The following WBP1L variants were observed in gnomAD, a reference collection of about 807,000 sequenced individuals.
The protein encoded by WBP1L is WW domain binding protein 1 like, also known as WW domain binding protein 1-like.
In WBP1L, 17 loss-of-function variants were observed where a neutral mutation model predicts 33.7. That is an observed-to-expected ratio of 0.50 (90% CI 0.34 to 0.76). The LOEUF (loss-of-function observed/expected upper bound fraction) is 0.76. Ranked by LOEUF, WBP1L falls within the 30% of genes least tolerant of loss-of-function variation. The pLI is 0.01. For synonymous variants in WBP1L, 173 were observed against 190.8 expected, an observed-to-expected ratio of 0.91 and a Z score of 0.77; for missense variants, 389 against 469.4, an observed-to-expected ratio of 0.83 and a Z score of 1.58.
In WBP1L at chr10:102,802,556, A is replaced by T. The variant is rs371335594; in HGVS notation, c.193+4461A>T. Among the ~76,000 whole-genome samples, 24 of 152,268 alleles carry T rather than the reference A, an allele frequency of 1.6e-4. No homozygotes were observed. The South Asian group carries it at 5.0e-3, about 32-fold the overall frequency. Reference sequence around the variant, plus strand: ...GAGACAGCGTCTCACTCCCTCGCCCAGGCTGAAGTGCAGTGGCATGATCTC... The same window carrying T: ...GAGACAGCGTCTCACTCCCTCGCCCTGGCTGAAGTGCAGTGGCATGATCTC... On this transcript the variant is annotated intron_variant, in intron 2 of 3. Coordinates refer to ENST00000448841, the MANE Select transcript of WBP1L (RefSeq NM_001083913.2).
intron 1 of WBP1L, among the ~76,000 whole-genome samples, chr10:102,766,117 T>C (rs1843104503): frequency 1.3e-5 from 2 of 151,818 alleles, no homozygotes; most frequent in South Asian, 4.2e-4. Flanking sequence ...CTTGGCAACA[T>C]AGGAAGACCC....
chr10:102,776,541 C>T (rs1843266460), intron 1 of WBP1L: 2 of 1,261,300 alleles, frequency 1.6e-6, no homozygotes, highest in Admixed American at 3.6e-5. Flanking sequence ...AGGCCAGCTC[C>T]CACACAGAAC....
chr10:102,770,390 C>A (rs538286173), intron 1 of WBP1L, among the ~76,000 whole-genome samples: 1 of 152,168 alleles, frequency 6.6e-6, no homozygotes, highest in Non-Finnish European at 1.5e-5. Context: ...AATGGCCTTA[C>A]GCCTGGAGAT....
intron 2 of WBP1L, among the ~76,000 whole-genome samples, chr10:102,801,624 A>G (rs1049882411): frequency 1.3e-5 from 2 of 152,054 alleles, no homozygotes; most frequent in African/African-American, 4.8e-5. Flanking sequence ...TCAGCAAGCT[A>G]CATTTTCCAG....
intron 2 of WBP1L, among the ~76,000 whole-genome samples, chr10:102,809,666 G>A (rs925707578): frequency 6.6e-6 from 1 of 152,168 alleles, no homozygotes; most frequent in African/African-American, 2.4e-5. Context: ...CCGGCCTGTT[G>A]TCATCATTCT....
At chr10:102,788,357 G>GTT (rs1463990119) in intron 1 of WBP1L, among the ~76,000 whole-genome samples, 1 of 151,850 alleles carries the variant, frequency 6.6e-6, no homozygotes, top group Non-Finnish European at 1.5e-5. Context: ...TGATCCGCCT[G>GTT]TTTCGGCCTC....
intron 1 of WBP1L, among the ~76,000 whole-genome samples, chr10:102,762,065 T>C (rs1843048616): frequency 6.6e-6 from 1 of 152,112 alleles, no homozygotes; most frequent in Admixed American, 6.6e-5. Flanking sequence ...GTTGCTTACG[T>C]TGGTCTAGAA....
At chr10:102,790,697 G>A (rs1590184770) in intron 1 of WBP1L, among the ~76,000 whole-genome samples, 1 of 151,978 alleles carries the variant, frequency 6.6e-6, no homozygotes, top group African/African-American at 2.4e-5. Flanking sequence ...ATTTTTATTA[G>A]AGACAGGATT....
At chr10:102,784,591 A>C (rs1407922727) in intron 1 of WBP1L, among the ~76,000 whole-genome samples, 1 of 151,436 alleles carries the variant, frequency 6.6e-6, no homozygotes, top group Non-Finnish European at 1.5e-5. Flanking sequence ...ACACCCGGCT[A>C]ATTTTTTGTA....
At chr10:102,758,390 T>A (rs890493911) in intron 1 of WBP1L, among the ~76,000 whole-genome samples, 5 of 152,208 alleles carry the variant, frequency 3.3e-5, no homozygotes, top group African/African-American at 1.2e-4. Flanking sequence ...TTCCCTCCAG[T>A]CCCTGGCAAC....
rs1488673862 is a variant in WBP1L, at chr10:102,816,181, G to C, written c.*2850G>C. On this transcript the variant is annotated 3_prime_UTR_variant, in exon 4 of 4. Transcript: ENST00000448841. ...GACTTTTCTGGGCAGTCTCAGTGAC[G>C]CATTTCCTGTGCTGTGATTGTTCTG... 6.6e-6 allele frequency: 1 copy of C among 152,654 alleles called. No individual in the cohort carries two copies. Among genetic ancestry groups the C allele is most frequent in the Non-Finnish European group, 1.5e-5 (1 of 68,048 alleles). The allele number at this position is 152,654 out of a possible 1,614,324, so 9.5% of individuals were successfully genotyped here.
chr10:102,786,268 G>A (rs867115455), intron 1 of WBP1L, among the ~76,000 whole-genome samples: 2 of 152,270 alleles, frequency 1.3e-5, no homozygotes, highest in Middle Eastern at 3.4e-3. Flanking sequence ...TAAATAATGT[G>A]CCTTGATTCT....
intron 1 of WBP1L, among the ~76,000 whole-genome samples, chr10:102,764,237 A>G (rs554549785): frequency 1.3e-5 from 2 of 152,334 alleles, no homozygotes; most frequent in African/African-American, 2.4e-5. Flanking sequence ...TTTTGAGCAC[A>G]GTCCAAGGCC....
At chr10:102,782,481 A>T (rs1192549015) in intron 1 of WBP1L, among the ~76,000 whole-genome samples, 4 of 135,814 alleles carry the variant, frequency 2.9e-5, no homozygotes, top group South Asian at 2.5e-4. Context: ...GGGGCTATTT[A>T]AAAAAATGCT....
intron 1 of WBP1L, among the ~76,000 whole-genome samples, chr10:102,784,885 T>C (rs1173391646): frequency 8.5e-6 from 1 of 118,106 alleles, no homozygotes; most frequent in Non-Finnish European, 1.9e-5. Context: ...TTTTTTTTTT[T>C]TTTAGGGCGG....
chr10:102,806,440 C>T (rs1466943617), intron 2 of WBP1L, among the ~76,000 whole-genome samples: 2 of 152,230 alleles, frequency 1.3e-5, no homozygotes, highest in South Asian at 2.1e-4. Context: ...GCATCTGTAG[C>T]CAGTTTCACC....
rs1010057775 is a variant in WBP1L at position 102,797,752 on chromosome 10, C to T, written c.91-241C>T. Among the ~76,000 whole-genome samples, 31 of 152,054 alleles carry T rather than the reference C, an allele frequency of 2.0e-4. 1 individual carries two copies. The highest frequency in any genetic ancestry group is 7.5e-4 in the African/African-American group (31 of 41,386). The stretch of plus-strand genomic sequence containing the variant: ...ATTTTTAGTAGAGACGGGATTTCAT[C>T]ATGTTGGTCAGGCTGGTCTCGAACT... On this transcript the variant is annotated intron_variant, in intron 1 of 3. Transcript: ENST00000448841.
At chr10:102,810,491 C>CTCCTTCCTTCCT (rs796637182) in intron 3 of WBP1L, among the ~76,000 whole-genome samples, 22 of 81,634 alleles carry the variant, frequency 2.7e-4, no homozygotes, top group Admixed American at 7.7e-4. Flanking sequence ...CCTTCCTTCC[C>CTCCTTCCTTCCT]TCCTTCCTTC....
In WBP1L at chr10:102,768,878, C is replaced by T. The variant is rs961384244; in HGVS notation, c.90+24735C>T. Among the ~76,000 whole-genome samples the T allele has an allele frequency of 2.0e-4, 30 of 151,406 alleles. 1 individual carries two copies. The highest frequency in any genetic ancestry group is 4.0e-4 in the Admixed American group (6 of 15,184). ...AATTTTTTGTATTTTTTAGTAGAGA[C>T]GGGGTTTCACCGTGTTAGCCAGGAT... On this transcript the variant is annotated intron_variant, in intron 1 of 3. Coordinates refer to ENST00000448841, the MANE Select transcript of WBP1L (RefSeq NM_001083913.2).
Sources: allele counts gnomAD v4.1 joint callset (sites outside exome capture counted in the v4.1 genomes callset), GRCh38; gene constraint gnomAD v4.1.1; transcripts MANE v1.5; gene names NCBI Gene and HGNC (gene_info 2026-07-23, HGNC 2026-07-21).